The following NDEL1 variants were observed in gnomAD, a reference collection of about 807,000 sequenced individuals.
NDEL1 encodes nudE neurodevelopment protein 1 like 1.
In NDEL1, 9 loss-of-function variants were observed where a neutral mutation model predicts 45.7. The ratio of observed to expected loss-of-function variants is 0.20; its 90% CI spans 0.12 to 0.34. The LOEUF is 0.34. Among genes scored for constraint, NDEL1 ranks in the 10% least tolerant of loss-of-function variants. The pLI is 1.00. For missense variants in NDEL1, 306 were observed against 406.2 expected (o/e 0.75, Z 2.12); for synonymous variants, 133 against 158.6 (o/e 0.84, Z 1.21).
At chr17:8,416,767 A>G (rs1187028697) in intron 1 of NDEL1, among the ~76,000 whole-genome samples, 4 of 152,048 alleles carry the variant, frequency 2.6e-5, no homozygotes, top group Non-Finnish European at 4.4e-5. Context: ...TTTCCCCTGT[A>G]CTTGCTTTCT....
chr17:8,473,023 G>A (rs1911910764), downstream of NDEL1, among the ~76,000 whole-genome samples: 1 of 152,118 alleles, frequency 6.6e-6, no homozygotes, highest in South Asian at 2.1e-4. Flanking sequence ...CCTTTCCTTA[G>A]GTCTGGAGTG....
At position 8,453,043 on chromosome 17, in the gene NDEL1, A is replaced by G. The variant is rs1435300919; in HGVS notation, c.701-1753A>G. 5.3e-5 allele frequency among the ~76,000 whole-genome samples: 8 copies of G among 152,182 alleles called. No individual in the cohort carries two copies. In the South Asian group the frequency reaches 1.2e-3, roughly 24 times the overall value. ...CATGAGCCACCATGCCCAGCCTACAATGTTTGTTTCTAAAAAGCATTTAAA... is the reference window on the plus strand; with the variant it reads ...CATGAGCCACCATGCCCAGCCTACAGTGTTTGTTTCTAAAAAGCATTTAAA... On this transcript the variant is annotated intron_variant, in intron 6 of 8. Coordinates refer to ENST00000334527, the MANE Select transcript of NDEL1 (RefSeq NM_030808.5).
intron 3 of NDEL1, among the ~76,000 whole-genome samples, chr17:8,473,653 C>T (rs533490738): frequency 6.6e-6 from 1 of 152,288 alleles, no homozygotes; most frequent in South Asian, 2.1e-4. Context: ...CCATTTCACA[C>T]GTTTCTACTG....
intron 1 of NDEL1, among the ~76,000 whole-genome samples, chr17:8,428,640 G>C (rs1325676647): frequency 3.4e-4 from 52 of 151,792 alleles, no homozygotes; most frequent in Admixed American, 3.4e-3. Context: ...TGGGATTATA[G>C]GTGTGAGCCC....
rs531113029 is a variant in NDEL1 at position 8,465,124 on chromosome 17, G to A, written c.945-1806G>A. On this transcript the variant is annotated intron_variant, in intron 8 of 8. Coordinates refer to ENST00000334527, the MANE Select transcript of NDEL1 (RefSeq NM_030808.5). The surrounding 1 kb of genome is among the most constrained non-coding windows in gnomAD (Gnocchi z 4.9). ...GGTTCACACGTGCTGAGAGCTGCAGGCATTTGTGGGGCCTGCCTGGTTGTC... is the reference window on the plus strand; with the variant it reads ...GGTTCACACGTGCTGAGAGCTGCAGACATTTGTGGGGCCTGCCTGGTTGTC... 4.6e-5 allele frequency: 7 copies of A among 152,404 alleles called. No homozygotes were observed. Among genetic ancestry groups the A allele is most frequent in the African/African-American group, 1.7e-4 (7 of 41,572 alleles). 9.4% of individuals were successfully genotyped at this position (152,404 alleles called of 1,614,324 possible).
intron 3 of NDEL1, among the ~76,000 whole-genome samples, chr17:8,446,412 A>G (rs1162920141): frequency 6.6e-6 from 1 of 152,044 alleles, no homozygotes; most frequent in Non-Finnish European, 1.5e-5. Flanking sequence ...GGCAGGTGAA[A>G]GGTAGGGAAT....
intron 1 of NDEL1, among the ~76,000 whole-genome samples, chr17:8,418,387 C>T (rs549094007): frequency 6.6e-5 from 10 of 152,210 alleles, no homozygotes; most frequent in Admixed American, 5.2e-4. Context: ...TTGGGTATTA[C>T]CATTTGTCTT....
chr17:8,468,636 C>T (rs910829840), downstream of NDEL1, among the ~76,000 whole-genome samples: 5 of 152,208 alleles, frequency 3.3e-5, no homozygotes, highest in African/African-American at 9.6e-5. Context: ...TTGAAGAACG[C>T]GTAAACTGGG....
At chr17:8,462,719 A>T (rs1169816066) in intron 8 of NDEL1, 1 of 152,208 alleles carries the variant, frequency 6.6e-6, no homozygotes, top group East Asian at 1.9e-4. Context: ...ACTCCTGAGG[A>T]GTCTGTAGCA....
chr17:8,448,788 T>C, intron 5 of NDEL1, 102 bp downstream of exon 5: 2 of 1,185,526 alleles, frequency 1.7e-6, no homozygotes, highest in Non-Finnish European at 2.3e-6. Context: ...CAAATGTGGA[T>C]TGAAAATACA....
chr17:8,451,007 GGT>G, intron 6 of NDEL1, 54 bp downstream of exon 6: 3 of 1,513,212 alleles, frequency 2.0e-6, no homozygotes, highest in Non-Finnish European at 2.7e-6. Flanking sequence ...AGCTTACGGG[GGT>G]TTGTTGCTGA....
chr17:8,416,045 C>A (rs1908540455), intron 1 of NDEL1, among the ~76,000 whole-genome samples: 1 of 152,174 alleles, frequency 6.6e-6, no homozygotes, highest in Non-Finnish European at 1.5e-5. Flanking sequence ...CCGCGCCTGG[C>A]CCATTTTAAT....
chr17:8,444,260 G>C lies in NDEL1; in HGVS notation c.-12G>C. 6.3e-7 allele frequency: 1 copy of C among 1,586,008 alleles called. No individual in the cohort carries two copies. On this transcript the variant is annotated splice_region_variant and 5_prime_UTR_variant, in exon 2 of 9. Coordinates refer to ENST00000334527, the MANE Select transcript of NDEL1 (RefSeq NM_030808.5). Reference sequence around the variant, plus strand: ...TAAGTTTGTCTTTAATATTTCACAGGCTTTCTTGATCATGGATGGTGAAGA... The same window carrying C: ...TAAGTTTGTCTTTAATATTTCACAGCCTTTCTTGATCATGGATGGTGAAGA...
chr17:8,437,927 TA>T (rs910745202), intron 1 of NDEL1, among the ~76,000 whole-genome samples: 11 of 128,052 alleles, frequency 8.6e-5, no homozygotes, highest in Admixed American at 1.0e-4. Context: ...GATCTGGTAT[TA>T]AAGAAAGATG....
chr17:8,434,725 G>T (rs1026217289), upstream of NDEL1, among the ~76,000 whole-genome samples: 19 of 151,846 alleles, frequency 1.3e-4, no homozygotes, highest in African/African-American at 4.6e-4. Context: ...ACACACGCGC[G>T]CACACACACA....
chr17:8,446,261 G>A (rs1910071457), intron 3 of NDEL1, among the ~76,000 whole-genome samples: 1 of 152,214 alleles, frequency 6.6e-6, no homozygotes. Context: ...GTTTAGTTAG[G>A]GTTAAAAATT....
intron 1 of NDEL1, among the ~76,000 whole-genome samples, chr17:8,424,221 C>A (rs976674748): frequency 6.6e-6 from 1 of 152,190 alleles, no homozygotes; most frequent in Non-Finnish European, 1.5e-5. Context: ...GAGTTAATTG[C>A]TTGATTCATT....
chr17:8,463,210 C>T (rs1229027765), intron 8 of NDEL1: 4 of 738,100 alleles, frequency 5.4e-6, no homozygotes, highest in Non-Finnish European at 9.1e-6. Context: ...TTTTGTAAGC[C>T]ACTCTGAGTT....
Position 8,426,676 on chromosome 17 carries a change from C to T in NDEL1, c.-13+13407C>T, listed in dbSNP as rs374576604. ...TCAGGAAAACCGTGAGGTTCCAGATCAGCAGGAAGTCCACAGTTAAGGGAG... is the reference window on the plus strand; with the variant it reads ...TCAGGAAAACCGTGAGGTTCCAGATTAGCAGGAAGTCCACAGTTAAGGGAG... On this transcript the variant is annotated intron_variant, in intron 1 of 4. Transcript: ENST00000582812. Among the ~76,000 whole-genome samples, 27 of 152,244 alleles carry T rather than the reference C, an allele frequency of 1.8e-4. 1 individual carries two copies. In the East Asian group the frequency reaches 3.1e-3, roughly 17 times the overall value.
Sources: gnomAD v4.1 joint callset for allele counts (sites outside exome capture counted in the v4.1 genomes callset) on GRCh38, gnomAD v4.1.1 for gene constraint, Gnocchi (gnomAD v3.1) non-coding constraint, MANE v1.5 for transcripts, NCBI Gene and HGNC (gene_info 2026-07-23, HGNC 2026-07-21) for gene names.